The following NFIA variants were observed in gnomAD, a reference collection of about 807,000 sequenced individuals.
NFIA encodes the protein nuclear factor 1 A-type.
In NFIA, 8 loss-of-function variants were observed where a neutral mutation model predicts 62.8. That is an observed-to-expected ratio of 0.13 (90% CI 0.07 to 0.23). The LOEUF is 0.23. Ranked by LOEUF, NFIA falls within the 10% of genes least tolerant of loss-of-function variation. The probability of loss-of-function intolerance (pLI) is 1.00; values close to 1 mark genes in which losing one functional copy is unlikely to be tolerated. For missense variants in NFIA, 410 were observed against 642.1 expected (o/e 0.64, Z 3.91); for synonymous variants, 235 against 238.1 (o/e 0.99, Z 0.12).
At chr1:61,257,861 G>GTTTTTTTTT (rs58077067) in intron 2 of NFIA, among the ~76,000 whole-genome samples, 48 of 126,300 alleles carry the variant, frequency 3.8e-4, no homozygotes, top group Admixed American at 4.9e-4. Context: ...ATGCTTAGCT[G>GTTTTTTTTT]TTTTTTTTTT....
At chr1:61,279,349 G>A (rs779917807) in intron 3 of NFIA, among the ~76,000 whole-genome samples, 1 of 151,288 alleles carries the variant, frequency 6.6e-6, no homozygotes, top group Non-Finnish European at 1.5e-5. Flanking sequence ...CCTCATCCTG[G>A]TATTTTGGTG....
intron 3 of NFIA, among the ~76,000 whole-genome samples, chr1:61,304,379 CT>C (rs1659647555): frequency 6.6e-6 from 1 of 152,196 alleles, no homozygotes; most frequent in Non-Finnish European, 1.5e-5. Context: ...CAAAAGCATA[CT>C]AAGCATTAGT....
upstream of NFIA, among the ~76,000 whole-genome samples, chr1:61,080,499 G>T (rs959810494): frequency 1.3e-5 from 2 of 152,142 alleles, no homozygotes; most frequent in African/African-American, 4.8e-5. Flanking sequence ...TCAGTTACAT[G>T]TTGGGACCGT....
intron 10 of NFIA, among the ~76,000 whole-genome samples, chr1:61,430,736 A>G (rs1337618273): frequency 6.6e-6 from 1 of 152,102 alleles, no homozygotes; most frequent in Non-Finnish European, 1.5e-5. Flanking sequence ...GTTTTCTTTC[A>G]AACTGCCTTC....
intron 3 of NFIA, among the ~76,000 whole-genome samples, chr1:61,329,959 A>T (rs1278408705): frequency 6.6e-6 from 1 of 152,214 alleles, no homozygotes; most frequent in East Asian, 1.9e-4. Context: ...TGATGGAGAC[A>T]TACATAGAGT....
intron 2 of NFIA, among the ~76,000 whole-genome samples, chr1:61,109,692 T>C (rs888132316): frequency 6.6e-6 from 1 of 151,936 alleles, no homozygotes; most frequent in Non-Finnish European, 1.5e-5. Context: ...TCTTAATATA[T>C]TGAGATTAAC....
In NFIA at chr1:61,437,866, G is replaced by A. The variant is rs199687825; in HGVS notation, c.1512+11310G>A. Among the ~76,000 whole-genome samples the A allele has an allele frequency of 7.9e-4, 116 of 147,168 alleles. 1 individual carries two copies. In the East Asian group the frequency reaches 0.021, roughly 27 times the overall value. On this transcript the variant is annotated intron_variant, in intron 10 of 10. Coordinates refer to ENST00000403491, the MANE Select transcript of NFIA (RefSeq NM_001134673.4). ...GAACCCTATTCTGTTTGGTGTATCT[G>A]TCAGTTTACAGTAGACGGCAGAAAC...
intron 6 of NFIA, among the ~76,000 whole-genome samples, chr1:61,378,029 A>G (rs899710652): frequency 6.6e-6 from 1 of 152,170 alleles, no homozygotes; most frequent in African/African-American, 2.4e-5. Flanking sequence ...GGAAGAAAAA[A>G]CAGCTTTGTA....
chr1:61,168,498 A>G (rs1376543667), intron 2 of NFIA, among the ~76,000 whole-genome samples: 1 of 152,250 alleles, frequency 6.6e-6, no homozygotes, highest in African/African-American at 2.4e-5. Flanking sequence ...CTAGAATTAA[A>G]TATACAGCTG....
intron 2 of NFIA, among the ~76,000 whole-genome samples, chr1:61,100,926 G>A (rs1441567425): frequency 2.0e-5 from 3 of 150,248 alleles, no homozygotes. Context: ...TGTAGAACCA[G>A]TTGTTAACAT....
intron 7 of NFIA, among the ~76,000 whole-genome samples, chr1:61,392,818 AGGGTGAT>A (rs1665048249): frequency 6.6e-6 from 1 of 152,256 alleles, no homozygotes; most frequent in African/African-American, 2.4e-5. Context: ...TGAAGAGAAT[AGGGTGAT>A]GAACCCAGGG....
At chr1:61,393,697 A>G (rs1665126308) in intron 7 of NFIA, among the ~76,000 whole-genome samples, 1 of 152,140 alleles carries the variant, frequency 6.6e-6, no homozygotes. Flanking sequence ...AGTTCCCCAA[A>G]GAAACATTAG....
intron 2 of NFIA, among the ~76,000 whole-genome samples, chr1:61,165,947 G>A (rs1021843388): frequency 6.6e-6 from 1 of 152,150 alleles, no homozygotes; most frequent in African/African-American, 2.4e-5. Flanking sequence ...TTAAGCTATA[G>A]GATAAAAGGC....
intron 6 of NFIA, among the ~76,000 whole-genome samples, chr1:61,368,934 A>C (rs1009319841): frequency 6.6e-6 from 1 of 152,182 alleles, no homozygotes; most frequent in Non-Finnish European, 1.5e-5. Flanking sequence ...CCAGTGAAGG[A>C]AGGAAGGGTA....
chr1:61,229,350 T>C (rs1460281349), intron 2 of NFIA, among the ~76,000 whole-genome samples: 3 of 152,206 alleles, frequency 2.0e-5, no homozygotes, highest in Non-Finnish European at 4.4e-5. Context: ...TTTGTATTTA[T>C]GCTTGAAATT....
chr1:61,298,273 G>C (rs1659298622), intron 3 of NFIA, among the ~76,000 whole-genome samples: 1 of 152,124 alleles, frequency 6.6e-6, no homozygotes, highest in African/African-American at 2.4e-5. Context: ...AGATGTGTCT[G>C]CTTCCCCTTC....
intron 3 of NFIA, among the ~76,000 whole-genome samples, chr1:61,299,726 T>C (rs184573261): frequency 1.3e-5 from 2 of 152,166 alleles, no homozygotes; most frequent in African/African-American, 4.8e-5. Context: ...TGTATTACAA[T>C]GCTCTGTTTT....
intron 2 of NFIA, among the ~76,000 whole-genome samples, chr1:61,195,121 T>C (rs1367657035): frequency 6.6e-6 from 1 of 152,234 alleles, no homozygotes; most frequent in Non-Finnish European, 1.5e-5. Flanking sequence ...GAATCTATAC[T>C]GAAATATTTT....
At chr1:61,340,908 T>C (rs771985537) in intron 4 of NFIA, among the ~76,000 whole-genome samples, 4 of 152,144 alleles carry the variant, frequency 2.6e-5, no homozygotes, top group Non-Finnish European at 5.9e-5. Context: ...CCTCAAATTT[T>C]CAGCCAGAGC....
Sources: allele counts gnomAD v4.1 joint callset (sites outside exome capture counted in the v4.1 genomes callset), GRCh38; gene constraint gnomAD v4.1.1; transcripts MANE v1.5; gene names NCBI Gene and HGNC (gene_info 2026-07-23, HGNC 2026-07-21).